The following LHFPL6 variants were observed in gnomAD, a reference collection of about 807,000 sequenced individuals.
LHFPL6 encodes the protein LHFPL tetraspan subfamily member 6.
LHFPL6 carries 9 observed loss-of-function variants against 20.6 expected under a neutral mutation model. The observed-to-expected ratio is 0.44, with a 90% CI of 0.26 to 0.76. LHFPL6 has a LOEUF of 0.76. Among genes scored for constraint, LHFPL6 ranks in the 30% least tolerant of loss-of-function variants. The pLI, the probability that LHFPL6 is intolerant of heterozygous loss-of-function variation, is 0.20. For synonymous variants in LHFPL6, 105 were observed against 98.7 expected, an observed-to-expected ratio of 1.06 and a Z score of -0.38; for missense variants, 218 against 253.5, an observed-to-expected ratio of 0.86 and a Z score of 0.95.
chr13:39,433,018 T>C (rs1255591879), intron 2 of LHFPL6, among the ~76,000 whole-genome samples: 2 of 152,196 alleles, frequency 1.3e-5, no homozygotes, highest in African/African-American at 4.8e-5. Context: ...GAAATACATA[T>C]GCAAAAATCC....
At chr13:39,527,562 T>C (rs971870525) in intron 2 of LHFPL6, among the ~76,000 whole-genome samples, 1 of 151,988 alleles carries the variant, frequency 6.6e-6, no homozygotes, top group Non-Finnish European at 1.5e-5. Context: ...AGGTTTCAAG[T>C]CTTGCACTGA....
At chr13:39,577,043 C>A (rs1872138182) in intron 2 of LHFPL6, among the ~76,000 whole-genome samples, 1 of 152,134 alleles carries the variant, frequency 6.6e-6, no homozygotes, top group African/African-American at 2.4e-5. Context: ...GCTAAAGATG[C>A]AAAACGCTCC....
chr13:39,404,804 C>G (rs761651866), intron 2 of LHFPL6, among the ~76,000 whole-genome samples: 15 of 152,136 alleles, frequency 9.9e-5, no homozygotes, highest in African/African-American at 3.6e-4. Flanking sequence ...CTATGAGAGC[C>G]AAGACCTAGA....
At chr13:39,473,225 C>G (rs997052919) in intron 2 of LHFPL6, among the ~76,000 whole-genome samples, 2 of 151,460 alleles carry the variant, frequency 1.3e-5, no homozygotes, top group Non-Finnish European at 2.9e-5. Flanking sequence ...CTACACCAGC[C>G]ACCTTTTGAT....
chr13:39,456,966 T>C (rs1446836722), intron 2 of LHFPL6, among the ~76,000 whole-genome samples: 1 of 152,012 alleles, frequency 6.6e-6, no homozygotes, highest in Non-Finnish European at 1.5e-5. Context: ...CCGGCTAATT[T>C]TTTTTGTATT....
intron 2 of LHFPL6, among the ~76,000 whole-genome samples, chr13:39,455,952 A>C (rs542777892): frequency 2.6e-5 from 4 of 152,370 alleles, no homozygotes; most frequent in African/African-American, 9.6e-5. Context: ...TATCATTGTC[A>C]TCAAAACAGG....
At chr13:39,408,134 T>G (rs1871161348) in intron 2 of LHFPL6, among the ~76,000 whole-genome samples, 1 of 152,226 alleles carries the variant, frequency 6.6e-6, no homozygotes, top group Admixed American at 6.5e-5. Context: ...ACAACATATA[T>G]GCATTCCCCA....
intron 2 of LHFPL6, among the ~76,000 whole-genome samples, chr13:39,528,896 G>GA (rs1468173257): frequency 2.0e-5 from 3 of 151,910 alleles, no homozygotes; most frequent in Admixed American, 6.5e-5. Context: ...ACTTTCGAAG[G>GA]AAAAAAATGT....
intron 2 of LHFPL6, among the ~76,000 whole-genome samples, chr13:39,379,582 C>T (rs777506779): frequency 3.3e-5 from 5 of 152,154 alleles, no homozygotes; most frequent in Non-Finnish European, 5.9e-5. Flanking sequence ...AAGTCCCTTC[C>T]GGGCCGTCTT....
At chr13:39,502,960 A>C (rs1869345860) in intron 2 of LHFPL6, among the ~76,000 whole-genome samples, 1 of 152,178 alleles carries the variant, frequency 6.6e-6, no homozygotes, top group Admixed American at 6.5e-5. Flanking sequence ...TGGTGCGATC[A>C]TAGCTTATGG....
intron 3 of LHFPL6, among the ~76,000 whole-genome samples, chr13:39,358,086 C>T (rs1372330282): frequency 5.3e-5 from 8 of 151,850 alleles, no homozygotes; most frequent in Non-Finnish European, 1.2e-4. Flanking sequence ...CCCGAATAAC[C>T]AAAGCAATCC....
At chr13:39,471,912 A>G (rs1872958413) in intron 2 of LHFPL6, among the ~76,000 whole-genome samples, 1 of 152,196 alleles carries the variant, frequency 6.6e-6, no homozygotes, top group Non-Finnish European at 1.5e-5. Flanking sequence ...ATTTTTTTCA[A>G]CAACTAATCA....
intron 2 of LHFPL6, among the ~76,000 whole-genome samples, chr13:39,486,387 G>T (rs1192833418): frequency 1.3e-5 from 2 of 152,138 alleles, no homozygotes; most frequent in Admixed American, 6.6e-5. Flanking sequence ...AACAGTATAG[G>T]CTGGGTCAGC....
intron 2 of LHFPL6, among the ~76,000 whole-genome samples, chr13:39,472,295 C>T (rs921730712): frequency 1.1e-4 from 17 of 152,154 alleles, no homozygotes; most frequent in African/African-American, 3.9e-4. Context: ...GATGCCTTCC[C>T]CTTCTCACTT....
chr13:39,522,497 A>C (rs935068531), intron 2 of LHFPL6, among the ~76,000 whole-genome samples: 1 of 152,174 alleles, frequency 6.6e-6, no homozygotes, highest in African/African-American at 2.4e-5. Flanking sequence ...CCAATAACTT[A>C]CTGTTCCACA....
intron 2 of LHFPL6, among the ~76,000 whole-genome samples, chr13:39,466,816 T>C (rs915666351): frequency 1.3e-5 from 2 of 152,230 alleles, no homozygotes; most frequent in African/African-American, 2.4e-5. Context: ...AAAATGACAC[T>C]GCAGAATAAA....
intron 2 of LHFPL6, among the ~76,000 whole-genome samples, chr13:39,554,999 C>A (rs1198462201): frequency 6.6e-6 from 1 of 152,170 alleles, no homozygotes; most frequent in Non-Finnish European, 1.5e-5. Flanking sequence ...AAAAAATTTT[C>A]TTTTCTAGCC....
intron 2 of LHFPL6, among the ~76,000 whole-genome samples, chr13:39,463,741 T>C (rs1872738555): frequency 6.6e-6 from 1 of 152,080 alleles, no homozygotes; most frequent in African/African-American, 2.4e-5. Context: ...TTCTTTATAG[T>C]GGGGAATTCT....
chr13:39,503,606 C>A (rs553791668), intron 2 of LHFPL6, among the ~76,000 whole-genome samples: 176 of 152,246 alleles, frequency 1.2e-3, no homozygotes, highest in Middle Eastern at 3.4e-3. Context: ...AATGATGTAT[C>A]CCAAGCACCT....
Sources: gnomAD v4.1 joint callset for allele counts (sites outside exome capture counted in the v4.1 genomes callset) on GRCh38, gnomAD v4.1.1 for gene constraint, MANE v1.5 for transcripts, NCBI Gene and HGNC (gene_info 2026-07-23, HGNC 2026-07-21) for gene names.